Variants in MFAP3 observed in about 807,000 individuals in gnomAD.
MFAP3 encodes microfibril-associated glycoprotein 3.
Under a neutral mutation model 20.5 loss-of-function variants are expected in MFAP3, and 8 were observed. The ratio of observed to expected loss-of-function variants is 0.39; its 90% CI spans 0.23 to 0.70. The LOEUF is 0.70. Among genes scored for constraint, MFAP3 ranks in the 30% least tolerant of loss-of-function variants. MFAP3 has a pLI of 0.44. For synonymous variants in MFAP3, 140 were observed against 154.0 expected (o/e 0.91, Z 0.67); for missense variants, 398 against 444.6 (o/e 0.90, Z 0.94).
At position 154,052,918 on chromosome 5, in the gene MFAP3, A is replaced by T; in HGVS notation, c.296-2A>T. 1 of 1,597,064 alleles carries T rather than the reference A, an allele frequency of 6.3e-7. No homozygotes were observed. Among genetic ancestry groups the T allele is most frequent in the Non-Finnish European group, 8.5e-7 (1 of 1,170,132 alleles). ...TTTTTTTCATTTCTGTTCAATTATC[A>T]GGTGGAAAGTGGTTGGTTTCTGATA... On this transcript the variant is annotated splice_acceptor_variant, in intron 2 of 2. Transcript: ENST00000522782. LOFTEE classifies it high-confidence loss of function.
At chr5:154,048,001 G>C (rs1188661945) in intron 1 of MFAP3, among the ~76,000 whole-genome samples, 1 of 152,296 alleles carries the variant, frequency 6.6e-6, no homozygotes, top group East Asian at 1.9e-4. Flanking sequence ...CCCTAGCACA[G>C]TGCTTGGCTG....
At chr5:154,052,337 A>C (rs989502235) in intron 2 of MFAP3, among the ~76,000 whole-genome samples, 5 of 151,934 alleles carry the variant, frequency 3.3e-5, no homozygotes, top group African/African-American at 1.2e-4. Flanking sequence ...GATATGTGCA[A>C]GGCATACCAG....
intron 1 of MFAP3, among the ~76,000 whole-genome samples, chr5:154,041,211 T>C (rs1772941176): frequency 6.6e-6 from 1 of 151,560 alleles, no homozygotes; most frequent in South Asian, 2.1e-4. Flanking sequence ...AGTTGAATAT[T>C]ATAGAGAGGG....
rs997645512 is a variant in MFAP3, at chr5:154,049,828, A to G, written c.106A>G (p.Asn36Asp). 4 of 1,613,606 alleles carry G rather than the reference A, an allele frequency of 2.5e-6. No individual in the cohort carries two copies. In the African/African-American group the frequency reaches 5.3e-5, roughly 22 times the overall value. ...CGACCAAATGGTTTCACTGGAAGCA[A>G]ATCGTAGTTCTTACAATGCATCCTT... ...DFDQMVSLEA[N>D]RSSYNASFPS... The change falls in exon 2 of 3, where the codon AAT (asparagine) becomes GAT (aspartate). Residue 36 changes from asparagine (N) to aspartate (D), a missense_variant. By Grantham distance (23) the Asn-to-Asp change is conservative (BLOSUM62 1). Coordinates refer to ENST00000522782, the MANE Select transcript of MFAP3 (RefSeq NM_005927.5).
At chr5:154,051,053 A>T (rs1773180910) in intron 2 of MFAP3, among the ~76,000 whole-genome samples, 1 of 152,202 alleles carries the variant, frequency 6.6e-6, no homozygotes, top group Non-Finnish European at 1.5e-5. Flanking sequence ...GCACTATTTT[A>T]ATCTATAGAC....
At chr5:154,049,433 A>G in intron 1 of MFAP3, 124 bp from the exon 2 acceptor site, 3 of 315,468 alleles carry the variant, frequency 9.5e-6, no homozygotes, top group Non-Finnish European at 1.8e-5. Context: ...GTACTGTTCC[A>G]TCTAATTACT....
rs557082991 is a variant in MFAP3, at chr5:154,052,444, CAGTT to C, written c.296-473_296-470del. Among the ~76,000 whole-genome samples, 104 of 151,826 alleles carry C rather than the reference CAGTT, an allele frequency of 6.8e-4. No homozygotes were observed. In the South Asian group the frequency reaches 9.2e-3, roughly 13 times the overall value. On this transcript the variant is annotated intron_variant, in intron 2 of 2. Coordinates refer to ENST00000522782, the MANE Select transcript of MFAP3 (RefSeq NM_005927.5). ...TTTCACTATGGAAAGTGAGCAAACA[CAGTT>C]AGAAGAAAATAAAAATTACTCATAA... is the stretch of plus-strand genomic sequence containing the variant.
Position 154,053,938 on chromosome 5 carries a change from C to G in MFAP3, c.*225C>G, listed in dbSNP as rs893583481. ...TTAGAGCTTTATTAAATTATGCATGCTAAGATTTAAAGGAGCCCCAGATAA... is the reference window on the plus strand; with the variant it reads ...TTAGAGCTTTATTAAATTATGCATGGTAAGATTTAAAGGAGCCCCAGATAA... On this transcript the variant is annotated 3_prime_UTR_variant, in exon 3 of 3. Coordinates refer to ENST00000522782, the MANE Select transcript of MFAP3 (RefSeq NM_005927.5). 3 of 487,930 alleles carry G rather than the reference C, an allele frequency of 6.1e-6. No homozygotes were observed. Among genetic ancestry groups the G allele is most frequent in the Admixed American group, 3.6e-5 (1 of 27,488 alleles). The allele number at this position is 487,930 out of a possible 1,614,324, so 30.2% of individuals were successfully genotyped here.
At position 154,049,799 on chromosome 5, in the gene MFAP3, A is replaced by T. The variant is rs1466025907; in HGVS notation, c.77A>T (p.Asp26Val). The change falls in exon 2 of 3, where the codon GAC becomes GTC. Residue 26 changes from aspartate (D) to valine (V), a missense_variant. Transcript: ENST00000522782. ...GCTGCTTTTGTTTTGGAAGATGTGG[A>T]CTTCGACCAAATGGTTTCACTGGAA... ...VPAAFVLEDVDFDQMVSLEAN... is the reference protein window; with the variant it reads ...VPAAFVLEDVVFDQMVSLEAN... 1 of 1,613,578 alleles carries T rather than the reference A, an allele frequency of 6.2e-7. No individual in the cohort carries two copies. The highest frequency in any genetic ancestry group is 8.5e-7 in the Non-Finnish European group (1 of 1,179,722).
At chr5:154,048,184 C>T (rs573461120) in intron 1 of MFAP3, among the ~76,000 whole-genome samples, 2 of 152,274 alleles carry the variant, frequency 1.3e-5, no homozygotes, top group Non-Finnish European at 2.9e-5. Context: ...CCCTCTCTGC[C>T]TAAGTCTTTG....
intron 1 of MFAP3, among the ~76,000 whole-genome samples, chr5:154,043,034 A>C (rs1284289412): frequency 1.3e-5 from 2 of 152,176 alleles, no homozygotes; most frequent in African/African-American, 4.8e-5. Context: ...CAGGAACGGC[A>C]ACAAGACAAT....
intron 1 of MFAP3, among the ~76,000 whole-genome samples, chr5:154,039,857 T>C (rs1581856939): frequency 6.6e-6 from 1 of 152,348 alleles, no homozygotes; most frequent in Non-Finnish European, 1.5e-5. Flanking sequence ...CCCTCGGAAT[T>C]ATCATCTTAA....
At chr5:154,044,377 T>C (rs539832071) in intron 1 of MFAP3, among the ~76,000 whole-genome samples, 2 of 152,354 alleles carry the variant, frequency 1.3e-5, no homozygotes, top group Admixed American at 1.3e-4. Context: ...TTTTTTCTGC[T>C]TTGTCACCTT....
intron 1 of MFAP3, among the ~76,000 whole-genome samples, chr5:154,043,742 A>ATT (rs33981356): frequency 0.34 from 48,465 of 142,788 alleles, 8,261 homozygotes; most frequent in East Asian, 0.53. Flanking sequence ...ATATATATAT[A>ATT]TTTTTTTTTC....
chr5:154,041,447 A>G (rs1581858954), intron 1 of MFAP3, among the ~76,000 whole-genome samples: 1 of 152,378 alleles, frequency 6.6e-6, no homozygotes, highest in Middle Eastern at 3.4e-3. Context: ...ACTGGAGCAC[A>G]TCATAGCTAA....
chr5:154,053,643 CTGA>C lies in MFAP3; in HGVS notation c.1024_1026del (p.Asp342del). On this transcript the variant is annotated inframe_deletion, in exon 3 of 3. Transcript: ENST00000522782. ...CAAGGCAGCAGTCATTTCAGTCCAC[CTGA>C]TGATATAGGATCTGCAGAATCTAAC... 1.2e-6 allele frequency: 2 copies of C among 1,613,942 alleles called. No homozygotes were observed. Among genetic ancestry groups the C allele is most frequent in the Non-Finnish European group, 1.7e-6 (2 of 1,179,910 alleles).
rs1458262111 is a variant in MFAP3, at chr5:154,053,676, A to C, written c.1052A>C (p.Asn351Thr). 6.2e-7 allele frequency: 1 copy of C among 1,613,432 alleles called. No individual in the cohort carries two copies. Among genetic ancestry groups the C allele is most frequent in the Admixed American group, 1.7e-5 (1 of 60,004 alleles). The change falls in exon 3 of 3, where the codon AAC becomes ACC. Residue 351 changes from asparagine to threonine, a missense_variant. By Grantham distance (65) the Asn-to-Thr change is moderately conservative. Transcript: ENST00000522782. Reference sequence around the variant, plus strand: ...ATAGGATCTGCAGAATCTAACTGTAACTACAAAGATGGGGCATATGAAAAC... The same window carrying C: ...ATAGGATCTGCAGAATCTAACTGTACCTACAAAGATGGGGCATATGAAAAC... Reference protein sequence around the residue: ...DDIGSAESNCNYKDGAYENCQ... With the variant: ...DDIGSAESNCTYKDGAYENCQ...
In MFAP3 at chr5:154,055,433, C is replaced by G. The variant is rs1311519062; in HGVS notation, c.*1720C>G. 6.6e-6 allele frequency among the ~76,000 whole-genome samples: 1 copy of G among 152,194 alleles called. No homozygotes were observed. Among genetic ancestry groups the G allele is most frequent in the Admixed American group, 6.5e-5 (1 of 15,278 alleles). Reference sequence around the variant, plus strand: ...GATGATAATGCTGCCTTTTCTGTCTCTCAGGCTGTTTCCATGGAAACCTCT... The same window carrying G: ...GATGATAATGCTGCCTTTTCTGTCTGTCAGGCTGTTTCCATGGAAACCTCT... On this transcript the variant is annotated 3_prime_UTR_variant, in exon 3 of 3. Coordinates refer to ENST00000522782, the MANE Select transcript of MFAP3 (RefSeq NM_005927.5).
Position 154,052,931 on chromosome 5 carries a change from T to C in MFAP3, c.307T>C (p.Leu103=), listed in dbSNP as rs1773233782. ...TGTTCAATTATCAGGTGGAAAGTGG[T>C]TGGTTTCTGATAACTTCCTAAACAT... is the stretch of plus-strand genomic sequence containing the variant. ...LDGRSRGGKW[L]VSDNFLNITN... Residue 103 remains leucine (L), a synonymous_variant, in exon 3 of 3, where the codon TTG becomes CTG. Transcript: ENST00000522782. 1 of 1,608,240 alleles carries C rather than the reference T, an allele frequency of 6.2e-7. No individual in the cohort carries two copies. The highest frequency in any genetic ancestry group is 1.7e-5 in the Admixed American group (1 of 59,572).
Sources: gnomAD v4.1 joint callset for allele counts (sites outside exome capture counted in the v4.1 genomes callset) on GRCh38, gnomAD v4.1.1 for gene constraint, MANE v1.5 for transcripts, NCBI Gene and HGNC (gene_info 2026-07-23, HGNC 2026-07-21) for gene names.